The following GALNTL6 variants were observed in gnomAD, a reference collection of about 807,000 sequenced individuals.
GALNTL6 encodes polypeptide N-acetylgalactosaminyltransferase-like 6.
A neutral mutation model predicts 73.7 loss-of-function variants in GALNTL6; 46 were observed. The observed-to-expected ratio is 0.62, with a 90% CI of 0.49 to 0.80. GALNTL6 has a LOEUF of 0.80. GALNTL6 is among the 30% of genes least tolerant of loss of function. The probability of loss-of-function intolerance (pLI) is 0.00; values close to 1 mark genes in which losing one functional copy is unlikely to be tolerated. For missense variants in GALNTL6, 604 were observed against 755.0 expected, an observed-to-expected ratio of 0.80 and a Z score of 2.34; for synonymous variants, 259 against 263.7, an observed-to-expected ratio of 0.98 and a Z score of 0.17.
At chr4:172,277,447 T>G (rs1021967278) in intron 3 of GALNTL6, among the ~76,000 whole-genome samples, 10 of 152,210 alleles carry the variant, frequency 6.6e-5, no homozygotes, top group African/African-American at 2.4e-4. Context: ...ACTTAATTTT[T>G]TCCTGAATAT....
intron 2 of GALNTL6, among the ~76,000 whole-genome samples, chr4:171,873,776 T>C (rs1736199411): frequency 6.6e-6 from 1 of 152,212 alleles, no homozygotes; most frequent in Non-Finnish European, 1.5e-5. Flanking sequence ...GATCAATAGG[T>C]ATATCAAGAT....
At chr4:172,831,845 A>G (rs1239493598) in intron 7 of GALNTL6, among the ~76,000 whole-genome samples, 2 of 152,200 alleles carry the variant, frequency 1.3e-5, no homozygotes, top group East Asian at 3.9e-4. Flanking sequence ...TCTCTCCACC[A>G]TGTGAAGACA....
chr4:172,373,134 G>A lies in GALNTL6; in HGVS notation c.553+24445G>A, dbSNP rs147646024. 3.5e-3 allele frequency among the ~76,000 whole-genome samples: 540 copies of A among 152,286 alleles called. 2 individuals carry two copies. The highest frequency in any genetic ancestry group is 9.3e-3 in the African/African-American group (387 of 41,576). Reference sequence around the variant, plus strand: ...GACTTGAGAAGTGGCCTAGATCTTGGGCCAGTGCCTGACCAAACAGGTGAG... The same window carrying A: ...GACTTGAGAAGTGGCCTAGATCTTGAGCCAGTGCCTGACCAAACAGGTGAG... On this transcript the variant is annotated intron_variant, in intron 5 of 12. Transcript: ENST00000506823.
chr4:172,337,730 A>G (rs1439813047), intron 4 of GALNTL6, among the ~76,000 whole-genome samples: 2 of 142,606 alleles, frequency 1.4e-5, no homozygotes, highest in African/African-American at 5.2e-5. Context: ...GACCTTGATC[A>G]GTCTGGTGAT....
At chr4:171,979,520 C>T (rs897962426) in intron 2 of GALNTL6, among the ~76,000 whole-genome samples, 5 of 152,198 alleles carry the variant, frequency 3.3e-5, no homozygotes, top group Non-Finnish European at 7.3e-5. Context: ...TTTCAGGCAA[C>T]TATGAATTGG....
chr4:171,928,667 A>G (rs992011718), intron 2 of GALNTL6, among the ~76,000 whole-genome samples: 10 of 152,334 alleles, frequency 6.6e-5, no homozygotes, highest in Middle Eastern at 3.4e-3. Context: ...GTGGTCCCAT[A>G]AGATTATAAT....
intron 3 of GALNTL6, among the ~76,000 whole-genome samples, chr4:172,281,706 G>C (rs139023206): frequency 2.0e-3 from 303 of 152,244 alleles, no homozygotes; most frequent in African/African-American, 6.3e-3. Context: ...GTGAGACCTT[G>C]TCAAAACAAA....
At chr4:172,202,656 C>A (rs527892253) in intron 2 of GALNTL6, among the ~76,000 whole-genome samples, 96 of 152,120 alleles carry the variant, frequency 6.3e-4, no homozygotes, top group Non-Finnish European at 8.1e-4. Context: ...TCTGTGATTA[C>A]CATCTAGTGG....
intron 5 of GALNTL6, among the ~76,000 whole-genome samples, chr4:172,788,204 AAAAAC>A (rs1739771990): frequency 2.0e-5 from 3 of 151,636 alleles, no homozygotes; most frequent in Admixed American, 2.0e-4. Context: ...CAAACAAACA[AAAAAC>A]ACACAATTAG....
chr4:171,971,456 T>C (rs939182814), intron 2 of GALNTL6, among the ~76,000 whole-genome samples: 4 of 152,210 alleles, frequency 2.6e-5, no homozygotes, highest in African/African-American at 9.6e-5. Flanking sequence ...TTGGGACATT[T>C]AGGACAGGGA....
intron 2 of GALNTL6, among the ~76,000 whole-genome samples, chr4:172,004,444 T>C (rs1251108688): frequency 1.3e-5 from 2 of 152,092 alleles, no homozygotes; most frequent in Non-Finnish European, 2.9e-5. Flanking sequence ...TTTAAACTGC[T>C]CTATTTCTAC....
At chr4:172,196,050 G>A (rs1579240843) in intron 2 of GALNTL6, among the ~76,000 whole-genome samples, 1 of 126,714 alleles carries the variant, frequency 7.9e-6, no homozygotes, top group East Asian at 2.2e-4. Flanking sequence ...CCACTAGCTA[G>A]ACTAGTAAAG....
intron 5 of GALNTL6, among the ~76,000 whole-genome samples, chr4:172,724,332 C>A (rs981722342): frequency 6.6e-6 from 1 of 152,158 alleles, no homozygotes; most frequent in Non-Finnish European, 1.5e-5. Context: ...AACACAAAAT[C>A]CATCCTATAG....
chr4:172,230,438 T>A (rs1341162175), intron 3 of GALNTL6, among the ~76,000 whole-genome samples: 1 of 151,894 alleles, frequency 6.6e-6, no homozygotes, highest in Non-Finnish European at 1.5e-5. Context: ...ATACAAAAAA[T>A]TAGCTGGGTG....
chr4:172,023,466 A>G (rs1741463146), intron 2 of GALNTL6, among the ~76,000 whole-genome samples: 1 of 151,962 alleles, frequency 6.6e-6, no homozygotes, highest in Non-Finnish European at 1.5e-5. Context: ...GAACTAAAAT[A>G]TCAAACTGAG....
chr4:172,038,117 C>CAA (rs5864107), intron 2 of GALNTL6, among the ~76,000 whole-genome samples: 53,516 of 145,810 alleles, frequency 0.37, 11,056 homozygotes, highest in South Asian at 0.52. Flanking sequence ...GACTCTGTCT[C>CAA]AAAAAAAAAA....
At chr4:172,757,803 G>A (rs189220694) in intron 5 of GALNTL6, among the ~76,000 whole-genome samples, 28 of 152,236 alleles carry the variant, frequency 1.8e-4, no homozygotes, top group Admixed American at 5.9e-4. Flanking sequence ...GAGATGTTAC[G>A]TCCCATGTGT....
At chr4:171,945,148 T>C (rs1480398269) in intron 2 of GALNTL6, among the ~76,000 whole-genome samples, 1 of 151,990 alleles carries the variant, frequency 6.6e-6, no homozygotes, top group Non-Finnish European at 1.5e-5. Flanking sequence ...TTAAAAAACA[T>C]AAAATTTCCC....
At chr4:172,701,703 G>A (rs1400470624) in intron 5 of GALNTL6, among the ~76,000 whole-genome samples, 3 of 152,030 alleles carry the variant, frequency 2.0e-5, no homozygotes, top group African/African-American at 4.8e-5. Flanking sequence ...CAGAAGTGGG[G>A]ACAAGTACAC....
Sources: gnomAD v4.1 joint callset for allele counts (sites outside exome capture counted in the v4.1 genomes callset) on GRCh38, gnomAD v4.1.1 for gene constraint, MANE v1.5 for transcripts, NCBI Gene and HGNC (gene_info 2026-07-23, HGNC 2026-07-21) for gene names.